Variants in SLC8A3 observed in about 807,000 individuals in gnomAD.
The protein encoded by SLC8A3 is sodium/calcium exchanger 3.
A neutral mutation model predicts 65.4 loss-of-function variants in SLC8A3; 37 were observed. The ratio of observed to expected loss-of-function variants is 0.57; its 90% CI spans 0.44 to 0.74. The LOEUF is 0.74. SLC8A3 is among the 30% of genes least tolerant of loss of function. The probability of loss-of-function intolerance (pLI) is 0.00; values close to 1 mark genes in which losing one functional copy is unlikely to be tolerated. For synonymous variants in SLC8A3, 461 were observed against 444.5 expected (o/e 1.04, Z -0.47); for missense variants, 1,112 against 1,172.1 (o/e 0.95, Z 0.75).
chr14:70,076,602 T>C (rs1362123304), intron 2 of SLC8A3, among the ~76,000 whole-genome samples: 15 of 152,194 alleles, frequency 9.9e-5, no homozygotes, highest in African/African-American at 3.4e-4. Flanking sequence ...ACTCTATTCT[T>C]GCACACATTA....
At chr14:70,052,460 A>G (rs1248869171) in intron 3 of SLC8A3, among the ~76,000 whole-genome samples, 2 of 152,214 alleles carry the variant, frequency 1.3e-5, no homozygotes, top group East Asian at 3.8e-4. Flanking sequence ...ACCTTGAACT[A>G]TTTTGAACTT....
chr14:70,060,927 C>A lies in SLC8A3; in HGVS notation c.1797G>T (p.Arg599Ser), dbSNP rs1368646957. 10 of 1,495,250 alleles carry A rather than the reference C, an allele frequency of 6.7e-6. No homozygotes were observed. The highest frequency in any genetic ancestry group is 2.8e-5 in the South Asian group (2 of 72,690). 92.6% of individuals were successfully genotyped at this position (1,495,250 alleles called of 1,614,324 possible). A position where few individuals can be genotyped will look rare whatever the true frequency, so the allele number is the denominator to read the frequency against. Residue 599 changes from arginine to serine, a missense_variant, in exon 3 of 7, where the codon AGG (arginine) becomes AGT (serine). Coordinates refer to ENST00000356921, the MANE Select transcript of SLC8A3 (RefSeq NM_182932.3). ...ATTCCTCCTCATCTACTATTTTAAC[C>A]CTTATGGTTTTCCTGTAGGGACAAC... The part of the protein sequence containing the change: ...FKNDETVKTI[R>S]VKIVDEEEYE...
chr14:70,063,026 G>A (rs1888996226), intron 2 of SLC8A3, among the ~76,000 whole-genome samples: 1 of 152,196 alleles, frequency 6.6e-6, no homozygotes, highest in South Asian at 2.1e-4. Flanking sequence ...TGGGATGTAT[G>A]GGGTCATTGA....
At position 70,051,400 on chromosome 14, in the gene SLC8A3, C is replaced by G. The variant is rs533183721; in HGVS notation, c.2014-293G>C. Among the ~76,000 whole-genome samples, 231 of 152,300 alleles carry G rather than the reference C, an allele frequency of 1.5e-3. 1 individual carries two copies. Among genetic ancestry groups the G allele is most frequent in the African/African-American group, 5.4e-3 (225 of 41,554 alleles). ...CTCAACCTCCTGGGCTCAAGCCATCCTCCCACCTCAGCCTCCTGAGTAGCT... is the reference window on the plus strand; with the variant it reads ...CTCAACCTCCTGGGCTCAAGCCATCGTCCCACCTCAGCCTCCTGAGTAGCT... On this transcript the variant is annotated intron_variant, in intron 4 of 6. Transcript: ENST00000356921.
intron 2 of SLC8A3, among the ~76,000 whole-genome samples, chr14:70,086,155 G>A (rs1322238560): frequency 6.6e-6 from 1 of 152,052 alleles, no homozygotes; most frequent in Admixed American, 6.6e-5. Flanking sequence ...TATGCTAAAT[G>A]CTTTCAACAC....
At chr14:70,163,160 C>T (rs989493776) in intron 2 of SLC8A3, among the ~76,000 whole-genome samples, 4 of 152,302 alleles carry the variant, frequency 2.6e-5, no homozygotes, top group Admixed American at 2.0e-4. Flanking sequence ...ACACCATCTA[C>T]GAGAAGGCAC....
intron 6 of SLC8A3, chr14:70,048,404 G>A (rs1566729226): frequency 8.8e-6 from 5 of 566,176 alleles, no homozygotes; most frequent in Non-Finnish European, 1.3e-5. Flanking sequence ...TGGAGGTTAA[G>A]AAATTGGACC....
At chr14:70,161,288 CAAAAAAAAAAAAAAAA>C (rs5809474) in intron 2 of SLC8A3, among the ~76,000 whole-genome samples, 3 of 33,280 alleles carry the variant, frequency 9.0e-5, no homozygotes, top group Non-Finnish European at 1.5e-4. Context: ...GACTCCATCT[CAAAAAAAAAAAAAAAA>C]AAAAAAAAAA....
At chr14:70,053,534 C>T (rs1322775887) in intron 3 of SLC8A3, among the ~76,000 whole-genome samples, 1 of 152,206 alleles carries the variant, frequency 6.6e-6, no homozygotes, top group Admixed American at 6.5e-5. Context: ...CCACTCCTTC[C>T]TCCCCAATTC....
At chr14:70,128,687 A>C (rs541476162) in intron 2 of SLC8A3, among the ~76,000 whole-genome samples, 2 of 152,358 alleles carry the variant, frequency 1.3e-5, no homozygotes, top group Admixed American at 1.3e-4. Flanking sequence ...AGGTGGTTAT[A>C]GAGTGGTTTT....
At chr14:70,182,354 C>A (rs1280565909) in intron 1 of SLC8A3, among the ~76,000 whole-genome samples, 4 of 152,152 alleles carry the variant, frequency 2.6e-5, no homozygotes, top group African/African-American at 9.7e-5. Context: ...ACTATCCACA[C>A]TGCAGTAACA....
intron 3 of SLC8A3, among the ~76,000 whole-genome samples, chr14:70,057,886 C>CAG (rs113155498): frequency 9.6e-4 from 145 of 150,866 alleles, no homozygotes; most frequent in African/African-American, 3.1e-3. Flanking sequence ...CCCCATTCTT[C>CAG]AGAGAGAGAG....
intron 3 of SLC8A3, among the ~76,000 whole-genome samples, chr14:70,053,624 T>TCTAACCCCTTGTCTAC (rs1349167567): frequency 1.3e-5 from 2 of 152,246 alleles, no homozygotes; most frequent in Non-Finnish European, 2.9e-5. Flanking sequence ...AATGTACCTG[T>TCTAACCCCTTGTCTAC]CTAACCCCTT....
At chr14:70,061,812 C>T (rs1004804014) in intron 2 of SLC8A3, among the ~76,000 whole-genome samples, 5 of 152,130 alleles carry the variant, frequency 3.3e-5, no homozygotes, top group Non-Finnish European at 7.3e-5. Context: ...AAACTGGTTT[C>T]CTCAATGTGA....
intron 1 of SLC8A3, among the ~76,000 whole-genome samples, chr14:70,171,805 A>G (rs1897557400): frequency 6.6e-6 from 1 of 152,158 alleles, no homozygotes; most frequent in South Asian, 2.1e-4. Flanking sequence ...CGTCTCAAAA[A>G]CAAAAAAAGA....
chr14:70,124,773 A>C (rs1284740260), intron 2 of SLC8A3, among the ~76,000 whole-genome samples: 1 of 152,224 alleles, frequency 6.6e-6, no homozygotes, highest in African/African-American at 2.4e-5. Flanking sequence ...TGTTCAAGAG[A>C]TCTGGTGCCA....
intron 2 of SLC8A3, among the ~76,000 whole-genome samples, chr14:70,063,389 T>C (rs1889039136): frequency 1.3e-5 from 2 of 152,194 alleles, no homozygotes; most frequent in South Asian, 4.1e-4. Context: ...AACTGCCCCA[T>C]GGAAATTTGT....
At chr14:70,153,162 T>A (rs1017802576) in intron 2 of SLC8A3, among the ~76,000 whole-genome samples, 38 of 152,260 alleles carry the variant, frequency 2.5e-4, no homozygotes, top group African/African-American at 9.2e-4. Flanking sequence ...CAGTCCCAGG[T>A]GTCCCTGGGC....
At position 70,168,288 on chromosome 14, in the gene SLC8A3, A is replaced by T. The variant is rs747030876; in HGVS notation, c.135T>A (p.Asn45Lys). ...SGDVPSTGQN[N>K]ESCSGSSDCK... ...AGTCCGATGACCCTGAACAGGACTC[A>T]TTGTTCTGCCCTGTGCTTGGCACGT... The change falls in exon 2 of 7, where the codon AAT becomes AAA. Residue 45 changes from asparagine to lysine, a missense_variant. Asn to Lys is a moderately conservative substitution (Grantham distance 94, BLOSUM62 0). Transcript: ENST00000356921. 2 of 1,614,136 alleles carry T rather than the reference A, an allele frequency of 1.2e-6. No individual in the cohort carries two copies. The highest frequency in any genetic ancestry group is 3.3e-5 in the Admixed American group (2 of 60,016).
Sources: gnomAD v4.1 joint callset for allele counts (sites outside exome capture counted in the v4.1 genomes callset) on GRCh38, gnomAD v4.1.1 for gene constraint, MANE v1.5 for transcripts, NCBI Gene and HGNC (gene_info 2026-07-23, HGNC 2026-07-21) for gene names.